Variants in CLTRN observed in about 807,000 individuals in gnomAD.
The protein encoded by CLTRN is collectrin, amino acid transport regulator, also known as collectrin.
Under a neutral mutation model 14.5 loss-of-function variants are expected in CLTRN, and 12 were observed. The ratio of observed to expected loss-of-function variants is 0.83; its 90% confidence interval spans 0.53 to 1.34. The LOEUF (loss-of-function observed/expected upper bound fraction) is 1.34. Ranked by LOEUF, CLTRN falls within the 40% of genes most tolerant of loss-of-function variation. The pLI is 0.00. For synonymous variants in CLTRN, 58 were observed against 56.5 expected, an observed-to-expected ratio of 1.03 and a Z score of -0.12; for missense variants, 154 against 165.1, an observed-to-expected ratio of 0.93 and a Z score of 0.37.
intron 3 of CLTRN, among the ~76,000 whole-genome samples, chrX:15,655,208 G>A (rs780686798): frequency 1.8e-4 from 20 of 111,944 alleles, no homozygotes; most frequent in Admixed American, 1.7e-3. Context: ...CATTCTCCTC[G>A]CTTAGGGACA....
At chrX:15,643,309 T>C (rs1463888778) in intron 4 of CLTRN, among the ~76,000 whole-genome samples, 2 of 112,171 alleles carry the variant, frequency 1.8e-5, no homozygotes, top group Admixed American at 1.9e-4. Flanking sequence ...CTTTGTTGTA[T>C]AGTTTCCTTT....
intron 1 of CLTRN, among the ~76,000 whole-genome samples, chrX:15,670,351 A>ACACACACACACAC (rs751102467): frequency 2.8e-5 from 3 of 107,504 alleles, no homozygotes; most frequent in East Asian, 5.8e-4. Context: ...ACACACACAC[A>ACACACACACACAC]AACCCCTTTG....
intron 5 of CLTRN, among the ~76,000 whole-genome samples, chrX:15,638,660 T>C (rs1411680457): frequency 1.8e-5 from 2 of 111,598 alleles, no homozygotes; most frequent in South Asian, 3.8e-4. Flanking sequence ...TTTTCCATCT[T>C]CCCCCCTGCA....
intron 2 of CLTRN, among the ~76,000 whole-genome samples, chrX:15,662,384 C>T (rs539453916): frequency 4.6e-4 from 51 of 111,091 alleles, no homozygotes; most frequent in South Asian, 1.1e-3. Context: ...AGGCCATTTC[C>T]GTCACTTATA....
intron 5 of CLTRN, among the ~76,000 whole-genome samples, chrX:15,630,452 T>A (rs1211510345): frequency 1.8e-5 from 2 of 111,750 alleles, no homozygotes; most frequent in Non-Finnish European, 3.8e-5. Flanking sequence ...GTATCTCTTG[T>A]ATTTTAGGCT....
intron 1 of CLTRN, among the ~76,000 whole-genome samples, chrX:15,670,911 T>A: frequency 9.8e-6 from 1 of 102,531 alleles, no homozygotes; most frequent in Non-Finnish European, 1.9e-5. Flanking sequence ...TGTGTGTGTG[T>A]GTGTGTGTGT....
At chrX:15,642,086 C>T (rs112811947) in intron 4 of CLTRN, among the ~76,000 whole-genome samples, 2,123 of 112,112 alleles carry the variant, frequency 0.019, 45 homozygotes, top group African/African-American at 0.064. Flanking sequence ...AATAATGAAA[C>T]CCACTGCTAA....
chrX:15,641,153 C>G (rs1474459708), intron 4 of CLTRN, among the ~76,000 whole-genome samples: 1 of 112,346 alleles, frequency 8.9e-6, no homozygotes, highest in Non-Finnish European at 1.9e-5. Flanking sequence ...AAAAATGTTA[C>G]TTTTCCTAGG....
intron 3 of CLTRN, among the ~76,000 whole-genome samples, chrX:15,648,583 G>C (rs1472254667): frequency 9.0e-6 from 1 of 111,224 alleles, no homozygotes; most frequent in African/African-American, 3.3e-5. Flanking sequence ...GAGGCTGAGG[G>C]GGGCAGATCA....
chrX:15,666,918 A>G (rs187717938), upstream of CLTRN, among the ~76,000 whole-genome samples: 13 of 112,799 alleles, frequency 1.2e-4, no homozygotes, highest in African/African-American at 4.2e-4. Context: ...TACATCAAGG[A>G]AGAAAGCTAT....
At chrX:15,674,420 AT>A (rs775112251) in intron 1 of CLTRN, among the ~76,000 whole-genome samples, 1 of 111,844 alleles carries the variant, frequency 8.9e-6, no homozygotes, top group East Asian at 2.8e-4. Flanking sequence ...TCTCCCTAGC[AT>A]TTAAAGTCCG....
chrX:15,657,792 AGTTTT>A (rs914166448), intron 3 of CLTRN, among the ~76,000 whole-genome samples: 14 of 112,050 alleles, frequency 1.2e-4, no homozygotes, highest in African/African-American at 2.9e-4. Flanking sequence ...CTTAGGGCAA[AGTTTT>A]GTTTTATTAT....
chrX:15,660,171 C>G (rs1304786926), intron 2 of CLTRN, among the ~76,000 whole-genome samples: 3 of 111,697 alleles, frequency 2.7e-5, no homozygotes, highest in Non-Finnish European at 5.6e-5. Flanking sequence ...CTGCCTTTCT[C>G]CTCTTTGGTG....
chrX:15,628,427 T>C (rs759074409), intron 5 of CLTRN, among the ~76,000 whole-genome samples: 1 of 111,533 alleles, frequency 9.0e-6, no homozygotes, highest in Non-Finnish European at 1.9e-5. Flanking sequence ...AATATGAGTG[T>C]ATATGCACAT....
intron 3 of CLTRN, among the ~76,000 whole-genome samples, chrX:15,649,959 T>C (rs1929177898): frequency 9.4e-6 from 1 of 106,771 alleles, no homozygotes; most frequent in African/African-American, 3.4e-5. Context: ...TTTAACATGA[T>C]ATCATAAGGG....
chrX:15,665,175 G>A (rs1319669123), upstream of CLTRN: 1 of 128,067 alleles, frequency 7.8e-6, no homozygotes, highest in Non-Finnish European at 1.6e-5. Flanking sequence ...TGAGATACCT[G>A]GTTCTTAGAT....
chrX:15,666,138 C>T (rs781464935), upstream of CLTRN, among the ~76,000 whole-genome samples: 138 of 111,811 alleles, frequency 1.2e-3, 1 homozygote, highest in African/African-American at 4.1e-3. Flanking sequence ...GAATACTATG[C>T]TTATTATCTG....
intron 5 of CLTRN, among the ~76,000 whole-genome samples, chrX:15,638,940 T>C (rs1023128538): frequency 8.9e-6 from 1 of 111,836 alleles, no homozygotes; most frequent in African/African-American, 3.3e-5. Flanking sequence ...AGATTCTAAT[T>C]TAGTGGGTCT....
At chrX:15,665,118 T>G (rs1250128619), upstream of CLTRN, 1 of 193,884 alleles carries the variant, frequency 5.2e-6, no homozygotes, top group Non-Finnish European at 9.4e-6. Context: ...AAGAATTGAG[T>G]CCTGTCTAGA....
Sources: allele counts gnomAD v4.1 joint callset (sites outside exome capture counted in the v4.1 genomes callset), GRCh38; gene constraint gnomAD v4.1.1; transcripts MANE v1.5; gene names NCBI Gene and HGNC (gene_info 2026-07-23, HGNC 2026-07-21).